Variants in LYPLAL1 observed in about 807,000 individuals in gnomAD.
LYPLAL1 encodes the protein lysophospholipase-like protein 1.
In LYPLAL1, 23 loss-of-function variants were observed where a neutral mutation model predicts 19.7. The ratio of observed to expected loss-of-function variants is 1.17; its 90% CI spans 0.84 to 1.65. LYPLAL1 has a LOEUF of 1.65. LYPLAL1 is among the 40% of genes most tolerant of loss of function. The pLI, the probability that LYPLAL1 is intolerant of heterozygous loss-of-function variation, is 0.00. For synonymous variants in LYPLAL1, 119 were observed against 96.3 expected (o/e 1.24, Z -1.38); for missense variants, 355 against 279.4 (o/e 1.27, Z -1.93).
At chr1:219,320,555 A>G in the LYPLAL1 span, among the ~76,000 whole-genome samples, 4 of 152,084 alleles carry the variant, frequency 2.6e-5, no homozygotes, top group Admixed American at 2.6e-4. Flanking sequence ...CTCGTTATTT[A>G]CATTAGGTAT....
chr1:219,309,012 G>A, the LYPLAL1 span, among the ~76,000 whole-genome samples: 1 of 152,190 alleles, frequency 6.6e-6, no homozygotes, highest in Admixed American at 6.5e-5. Context: ...GAGGCTACAC[G>A]CTGCAAAGCC....
At chr1:219,289,693 G>T in the LYPLAL1 span, among the ~76,000 whole-genome samples, 1 of 152,156 alleles carries the variant, frequency 6.6e-6, no homozygotes, top group Non-Finnish European at 1.5e-5. Flanking sequence ...TTCATGAGCT[G>T]CTGGTATTGT....
intron 3 of LYPLAL1, among the ~76,000 whole-genome samples, chr1:219,208,479 A>G (rs567512502): frequency 2.1e-3 from 318 of 152,154 alleles, no homozygotes; most frequent in Non-Finnish European, 2.2e-3. Context: ...ATTTTTTACT[A>G]CTTTCATTAG....
At chr1:219,372,805 G>A in the LYPLAL1 span, among the ~76,000 whole-genome samples, 34 of 152,226 alleles carry the variant, frequency 2.2e-4, no homozygotes, top group African/African-American at 7.2e-4. Flanking sequence ...CCGGGAGGCT[G>A]AGGTGGGAGG....
At chr1:219,340,685 G>A in the LYPLAL1 span, among the ~76,000 whole-genome samples, 5 of 151,830 alleles carry the variant, frequency 3.3e-5, no homozygotes, top group Non-Finnish European at 5.9e-5. Context: ...TGAATCGATG[G>A]TCATTAAAAA....
At chr1:219,230,277 T>C in the LYPLAL1 span, among the ~76,000 whole-genome samples, 1 of 152,132 alleles carries the variant, frequency 6.6e-6, no homozygotes, top group South Asian at 2.1e-4. Context: ...CACGCCCGGC[T>C]AATTTGTGTA....
the LYPLAL1 span, among the ~76,000 whole-genome samples, chr1:219,396,718 G>T: frequency 6.6e-6 from 1 of 152,044 alleles, no homozygotes; most frequent in Non-Finnish European, 1.5e-5. Flanking sequence ...TTCTGATTTT[G>T]CTCCCCCCTT....
chr1:219,411,217 C>T, the LYPLAL1 span, among the ~76,000 whole-genome samples: 513 of 121,544 alleles, frequency 4.2e-3, 6 homozygotes, highest in African/African-American at 0.014. Flanking sequence ...GTGCACCAAT[C>T]GACACTCTGT....
the LYPLAL1 span, among the ~76,000 whole-genome samples, chr1:219,290,108 AG>A: frequency 1.3e-5 from 2 of 152,362 alleles, no homozygotes; most frequent in East Asian, 3.9e-4. Context: ...CAGGTCACCT[AG>A]GTGCTCTTGC....
At chr1:219,320,476 A>T in the LYPLAL1 span, among the ~76,000 whole-genome samples, 1 of 152,166 alleles carries the variant, frequency 6.6e-6, no homozygotes, top group Non-Finnish European at 1.5e-5. Flanking sequence ...GTTCTAGGGT[A>T]CATGTGCACA....
At chr1:219,256,754 C>G in the LYPLAL1 span, among the ~76,000 whole-genome samples, 7 of 152,086 alleles carry the variant, frequency 4.6e-5, no homozygotes, top group East Asian at 1.4e-3. Context: ...GCTGCATTCT[C>G]CAAGTTGTCA....
downstream of LYPLAL1, among the ~76,000 whole-genome samples, chr1:219,213,402 G>T (rs1572221826): frequency 2.1e-5 from 3 of 143,878 alleles, no homozygotes. Context: ...GACTGTTTTT[G>T]TTCCTTTCCT....
chr1:219,416,383 T>C, the LYPLAL1 span, among the ~76,000 whole-genome samples: 1 of 152,158 alleles, frequency 6.6e-6, no homozygotes, highest in African/African-American at 2.4e-5. Context: ...GTTTTTCTCA[T>C]GATTTTGGTG....
the LYPLAL1 span, among the ~76,000 whole-genome samples, chr1:219,228,792 G>A: frequency 3.9e-4 from 60 of 152,050 alleles, no homozygotes; most frequent in African/African-American, 1.3e-3. Flanking sequence ...AGATTCTCCT[G>A]CCTCAGCCTC....
At chr1:219,412,616 G>A in the LYPLAL1 span, among the ~76,000 whole-genome samples, 1 of 152,122 alleles carries the variant, frequency 6.6e-6, no homozygotes, top group East Asian at 1.9e-4. Context: ...GCCTCAAAAT[G>A]TCTTTAAAAT....
intron 2 of LYPLAL1, among the ~76,000 whole-genome samples, chr1:219,181,311 G>A (rs1392442377): frequency 6.6e-6 from 1 of 152,022 alleles, no homozygotes; most frequent in Admixed American, 6.6e-5. Context: ...ACATTTACGT[G>A]CTTCATAACC....
At chr1:219,197,269 C>CA (rs1422781750) in intron 3 of LYPLAL1, among the ~76,000 whole-genome samples, 2 of 152,100 alleles carry the variant, frequency 1.3e-5, no homozygotes, top group African/African-American at 2.4e-5. Context: ...GGCACTGGTA[C>CA]AAAAACAGAC....
At chr1:219,379,211 A>G in the LYPLAL1 span, among the ~76,000 whole-genome samples, 11 of 152,188 alleles carry the variant, frequency 7.2e-5, no homozygotes, top group African/African-American at 2.2e-4. Context: ...TTGACCAACC[A>G]TCAGCAATGT....
chr1:219,214,923 C>G (rs1659233320), downstream of LYPLAL1, among the ~76,000 whole-genome samples: 1 of 152,002 alleles, frequency 6.6e-6, no homozygotes, highest in African/African-American at 2.4e-5. Flanking sequence ...CTCCTGACCT[C>G]AAGTGATCTA....
Sources: gnomAD v4.1 joint callset for allele counts (sites outside exome capture counted in the v4.1 genomes callset) on GRCh38, gnomAD v4.1.1 for gene constraint, MANE v1.5 for transcripts, NCBI Gene and HGNC (gene_info 2026-07-23, HGNC 2026-07-21) for gene names.